Variants in TMPO observed in about 807,000 individuals in gnomAD.
TMPO encodes the protein thymopoietin.
Under a neutral mutation model 45.4 loss-of-function variants are expected in TMPO, and 22 were observed. That is an observed-to-expected ratio of 0.48 (90% confidence interval 0.35 to 0.69). TMPO has a LOEUF of 0.69. Among genes scored for constraint, TMPO ranks in the 30% least tolerant of loss-of-function variants. The pLI is 0.01. For missense variants in TMPO, 512 were observed against 548.8 expected (o/e 0.93, Z 0.67); for synonymous variants, 241 against 204.1 (o/e 1.18, Z -1.54).
At chr12:98,537,402 G>A (rs1044261821) in intron 3 of TMPO, 73 bp from the exon 4 acceptor site, 27 of 1,302,382 alleles carry the variant, frequency 2.1e-5, no homozygotes, top group African/African-American at 2.1e-4. Context: ...CAGGGTTCCC[G>A]ATTAATATTA....
intron 1 of TMPO, among the ~76,000 whole-genome samples, chr12:98,526,921 G>T (rs1378569931): frequency 6.6e-6 from 1 of 151,836 alleles, no homozygotes; most frequent in African/African-American, 2.4e-5. Context: ...TTGCACCGCT[G>T]CGCTCCAGCC....
At chr12:98,539,116 C>G (rs950041741) in intron 4 of TMPO, among the ~76,000 whole-genome samples, 3 of 152,044 alleles carry the variant, frequency 2.0e-5, no homozygotes, top group African/African-American at 7.2e-5. Flanking sequence ...AGGAGAATCG[C>G]TTGAACCTTG....
At chr12:98,547,481 G>C in intron 8 of TMPO, 92 bp from the exon 9 acceptor site, 1 of 1,478,206 alleles carries the variant, frequency 6.8e-7, no homozygotes, top group East Asian at 2.3e-5. Flanking sequence ...AATGTGCTTG[G>C]AATTAGGAGT....
At chr12:98,525,804 A>T (rs1192329217) in intron 1 of TMPO, among the ~76,000 whole-genome samples, 4 of 152,138 alleles carry the variant, frequency 2.6e-5, no homozygotes, top group African/African-American at 9.6e-5. Flanking sequence ...TTTTATTGTT[A>T]AAAACAGTAA....
chr12:98,546,315 C>T (rs1565817634), intron 7 of TMPO, 44 bp from the exon 8 acceptor site: 1 of 1,331,196 alleles, frequency 7.5e-7, no homozygotes, highest in East Asian at 2.3e-5. Flanking sequence ...CATGTTTACA[C>T]TAAATTTTAA....
In TMPO at chr12:98,515,849, G is replaced by C. The variant is rs774144418; in HGVS notation, c.-19G>C. On this transcript the variant is annotated 5_prime_UTR_variant, in exon 1 of 9. Transcript: ENST00000556029. ...GCGGCGGCAAAGGCTGTGGGGAGGG[G>C]GCTTCGCAGATCCCCGAGATGCCGG... 6.2e-7 allele frequency: 1 copy of C among 1,606,018 alleles called. No individual in the cohort carries two copies. Among genetic ancestry groups the C allele is most frequent in the South Asian group, 1.1e-5 (1 of 90,038 alleles).
chr12:98,543,230 G>A (rs899406965), intron 4 of TMPO, among the ~76,000 whole-genome samples: 5 of 152,162 alleles, frequency 3.3e-5, no homozygotes, highest in African/African-American at 9.7e-5. Context: ...AAATATTGGC[G>A]TGAAAGCAAA....
chr12:98,534,262 G>T (rs1437370860), intron 3 of TMPO: 2 of 1,613,528 alleles, frequency 1.2e-6, no homozygotes, highest in African/African-American at 1.3e-5. Flanking sequence ...GAATAAGCTG[G>T]CTTCCACTCC....
At chr12:98,518,470 C>CTTTTTTTTTTTTTTTTTTT (rs11437786) in intron 1 of TMPO, among the ~76,000 whole-genome samples, 2 of 83,538 alleles carry the variant, frequency 2.4e-5, no homozygotes, top group African/African-American at 1.0e-4. Context: ...ATTTTCTAAT[C>CTTTTTTTTTTTTTTTTTTT]TTTTTTTTTT....
chr12:98,547,078 CTT>C (rs10632560), intron 8 of TMPO, among the ~76,000 whole-genome samples: 1 of 141,656 alleles, frequency 7.1e-6, no homozygotes, highest in Non-Finnish European at 1.5e-5. Context: ...ATGCATCGAA[CTT>C]TTTTTTTTTT....
Position 98,546,453 on chromosome 12 carries a change from C to T in TMPO, c.1079+6C>T. On this transcript the variant is annotated splice_donor_region_variant and intron_variant, in intron 8 of 8. Transcript: ENST00000556029. ...TCTACACCAACAGGAATTAGGTATT[C>T]AGATACATTTAAACAAGTACTAGTG... 1 of 1,534,350 alleles carries T rather than the reference C, an allele frequency of 6.5e-7. No homozygotes were observed. Among genetic ancestry groups the T allele is most frequent in the Non-Finnish European group, 9.0e-7 (1 of 1,108,744 alleles).
intron 1 of TMPO, among the ~76,000 whole-genome samples, chr12:98,526,386 A>G (rs1306116004): frequency 2.0e-5 from 3 of 152,184 alleles, no homozygotes; most frequent in Non-Finnish European, 4.4e-5. Flanking sequence ...TAAGTCCCTT[A>G]ATATAAAGTG....
intron 2 of TMPO, among the ~76,000 whole-genome samples, chr12:98,529,454 A>G (rs989712049): frequency 2.6e-5 from 4 of 152,104 alleles, no homozygotes; most frequent in Admixed American, 2.6e-4. Flanking sequence ...GACTAAATAC[A>G]CTGGATTTCC....
intron 7 of TMPO, among the ~76,000 whole-genome samples, chr12:98,546,060 C>G (rs11109525): frequency 2.6e-5 from 4 of 152,192 alleles, no homozygotes; most frequent in African/African-American, 7.2e-5. Context: ...TAGTAAAAAA[C>G]AAAATCAATG....
At chr12:98,516,241 T>C (rs1315319863) in intron 1 of TMPO, 95 bp downstream of exon 1, 1 of 1,303,526 alleles carries the variant, frequency 7.7e-7, no homozygotes, top group African/African-American at 1.6e-5. Flanking sequence ...GGGCGCCCCC[T>C]CGGGCCTCCC....
chr12:98,535,058 C>A, intron 3 of TMPO: 1 of 841,182 alleles, frequency 1.2e-6, no homozygotes, highest in Non-Finnish European at 1.4e-6. Context: ...AGTAATTTAT[C>A]TCTTCATTGA....
chr12:98,544,726 A>T (rs1013979475), intron 6 of TMPO, 189 bp downstream of exon 6: 1 of 648,166 alleles, frequency 1.5e-6, no homozygotes. Context: ...TATGTAAAGA[A>T]ATCTAATTCA....
intron 2 of TMPO, among the ~76,000 whole-genome samples, chr12:98,528,251 CTTT>C (rs72519624): frequency 1.8e-4 from 24 of 131,380 alleles, no homozygotes; most frequent in Non-Finnish European, 2.0e-4. Context: ...TTATATCGTA[CTTT>C]TTTTTTTTTT....
Position 98,535,107 on chromosome 12 carries a change from C to G in TMPO, c.566-2368C>G, listed in dbSNP as rs1489695214. ...ATTCATGGACCAGTACCATGGACCA[C>G]ACTTTGAGAAACACTTCTTTGGATA... On this transcript the variant is annotated intron_variant, in intron 3 of 8. Coordinates refer to ENST00000556029, the MANE Select transcript of TMPO (RefSeq NM_001032283.3). 4 of 981,824 alleles carry G rather than the reference C, an allele frequency of 4.1e-6. No homozygotes were observed. In the South Asian group the frequency reaches 1.4e-4, roughly 35 times the overall value. The allele number at this position is 981,824 out of a possible 1,614,324, so 60.8% of individuals were successfully genotyped here.
Sources: allele counts gnomAD v4.1 joint callset (sites outside exome capture counted in the v4.1 genomes callset), GRCh38; gene constraint gnomAD v4.1.1; transcripts MANE v1.5; gene names NCBI Gene and HGNC (gene_info 2026-07-23, HGNC 2026-07-21).